The following GTF2IRD1 variants were observed in gnomAD, a reference collection of about 807,000 sequenced individuals.
GTF2IRD1 encodes general transcription factor II-I repeat domain-containing protein 1.
A neutral mutation model predicts 113.2 loss-of-function variants in GTF2IRD1; 26 were observed. That is an observed-to-expected ratio of 0.23 (90% confidence interval 0.17 to 0.32). GTF2IRD1 has a LOEUF of 0.32. Ranked by LOEUF, GTF2IRD1 falls within the 10% of genes least tolerant of loss-of-function variation. The pLI, the probability that GTF2IRD1 is intolerant of heterozygous loss-of-function variation, is 1.00. For synonymous variants in GTF2IRD1, 484 were observed against 529.1 expected, an observed-to-expected ratio of 0.91 and a Z score of 1.17; for missense variants, 864 against 1,280.8, an observed-to-expected ratio of 0.67 and a Z score of 4.97.
chr7:74,490,008 C>T (rs1795245350), intron 1 of GTF2IRD1, among the ~76,000 whole-genome samples: 1 of 151,946 alleles, frequency 6.6e-6, no homozygotes, highest in Non-Finnish European at 1.5e-5. Context: ...AGCTCTGTCC[C>T]CTGGGTTGGA....
intron 1 of GTF2IRD1, among the ~76,000 whole-genome samples, chr7:74,460,057 C>A (rs1263161479): frequency 6.6e-6 from 1 of 151,800 alleles, no homozygotes; most frequent in Non-Finnish European, 1.5e-5. Flanking sequence ...CTCACTGCAG[C>A]TTCTCCCTCC....
chr7:74,548,244 C>T (rs1459579971), intron 17 of GTF2IRD1, among the ~76,000 whole-genome samples: 3 of 151,526 alleles, frequency 2.0e-5, no homozygotes, highest in Non-Finnish European at 2.9e-5. Flanking sequence ...GGTGAAACCC[C>T]GTCTCTACTA....
intron 1 of GTF2IRD1, among the ~76,000 whole-genome samples, chr7:74,461,657 C>A (rs1454676335): frequency 6.6e-6 from 1 of 152,166 alleles, no homozygotes; most frequent in African/African-American, 2.4e-5. Flanking sequence ...CGGCTCGCTG[C>A]AACCTCTGCC....
chr7:74,521,318 C>T, intron 7 of GTF2IRD1, 21 bp downstream of exon 7: 3 of 1,456,638 alleles, frequency 2.1e-6, no homozygotes, highest in Non-Finnish European at 2.9e-6. Context: ...GCCCACGAAG[C>T]ACCCCGGCCT....
chr7:74,597,483 C>T (rs1802494260), intron 25 of GTF2IRD1, among the ~76,000 whole-genome samples: 1 of 151,304 alleles, frequency 6.6e-6, no homozygotes, highest in African/African-American at 2.4e-5. Flanking sequence ...GTAGCTGGGA[C>T]TTCAGGCATG....
chr7:74,573,685 C>T (rs1163545707), intron 22 of GTF2IRD1, among the ~76,000 whole-genome samples: 2 of 152,142 alleles, frequency 1.3e-5, no homozygotes, highest in East Asian at 1.9e-4. Flanking sequence ...GTAACCATGG[C>T]TCAGCACATG....
chr7:74,545,408 G>T (rs1244152420), intron 15 of GTF2IRD1, among the ~76,000 whole-genome samples: 1 of 152,000 alleles, frequency 6.6e-6, no homozygotes, highest in African/African-American at 2.4e-5. Context: ...TGCTCAATTT[G>T]CAGGCTTAGT....
At chr7:74,463,767 A>T (rs1793537854) in intron 1 of GTF2IRD1, among the ~76,000 whole-genome samples, 1 of 149,228 alleles carries the variant, frequency 6.7e-6, no homozygotes, top group South Asian at 2.1e-4. Context: ...TCTGTCGCCC[A>T]GGCTGGAGTG....
At chr7:74,454,343 C>T (rs189794354) in intron 1 of GTF2IRD1, among the ~76,000 whole-genome samples, 167 bp downstream of exon 1, 5,536 of 140,768 alleles carry the variant, frequency 0.039, 356 homozygotes, top group African/African-American at 0.14. Flanking sequence ...AGGCACGTGA[C>T]TGGGATTATA....
rs1798877331 is a variant in GTF2IRD1 at position 74,545,616 on chromosome 7, C to CGCCCCA, written c.1667-118_1667-113dup. On this transcript the variant is annotated intron_variant, in intron 15 of 26. Transcript: ENST00000424337. The stretch of plus-strand genomic sequence containing the variant: ...ATTTCTGAGGAAATAAGTTACCCAC[C>CGCCCCA]GCCCCAGCCCCAGCCTTCCCCCATT... The CGCCCCA allele has an allele frequency of 5.8e-6, 4 of 694,712 alleles. No individual in the cohort carries two copies. In the East Asian group the frequency reaches 1.0e-4, roughly 18 times the overall value. 43.0% of individuals were successfully genotyped at this position (694,712 alleles called of 1,614,324 possible). A position where few individuals can be genotyped will look rare whatever the true frequency, so the allele number is the denominator to read the frequency against.
At chr7:74,497,727 A>G (rs1168224069) in intron 1 of GTF2IRD1, among the ~76,000 whole-genome samples, 1 of 152,052 alleles carries the variant, frequency 6.6e-6, no homozygotes, top group African/African-American at 2.4e-5. Flanking sequence ...TGTTTTAGAC[A>G]GAGTTTCACT....
At chr7:74,586,825 C>T (rs1192454156) in intron 22 of GTF2IRD1, among the ~76,000 whole-genome samples, 1 of 152,206 alleles carries the variant, frequency 6.6e-6, no homozygotes, top group Non-Finnish European at 1.5e-5. Context: ...GCCTCCTAAA[C>T]AGAAGTGAGC....
At chr7:74,594,341 C>T (rs369752493) in intron 24 of GTF2IRD1, among the ~76,000 whole-genome samples, 1 of 139,138 alleles carries the variant, frequency 7.2e-6, no homozygotes, top group African/African-American at 2.5e-5. Flanking sequence ...GATGGCACCA[C>T]CGAACTCCAG....
At chr7:74,575,960 G>C (rs1226169141) in intron 22 of GTF2IRD1, among the ~76,000 whole-genome samples, 2 of 151,850 alleles carry the variant, frequency 1.3e-5, no homozygotes, top group African/African-American at 4.8e-5. Context: ...TTGAGCCCAG[G>C]AGTTCGAGAC....
intron 22 of GTF2IRD1, among the ~76,000 whole-genome samples, chr7:74,570,848 G>C (rs587763679): frequency 3.9e-4 from 59 of 152,190 alleles, no homozygotes; most frequent in African/African-American, 1.4e-3. Flanking sequence ...GTTTTGGAGG[G>C]GCTGTGGGGA....
rs1206631086 is a variant in GTF2IRD1 at position 74,509,831 on chromosome 7, C to T, written c.123+1628C>T. 5.9e-5 allele frequency among the ~76,000 whole-genome samples: 9 copies of T among 152,136 alleles called. No homozygotes were observed. The East Asian group carries it at 9.8e-4, about 17-fold the overall frequency. On this transcript the variant is annotated intron_variant, in intron 2 of 26. Transcript: ENST00000424337. ...GGGACTACAGGCCCCCACCACCACA[C>T]GTGGCCAGATAATTTTTGTACTTTT... is the stretch of plus-strand genomic sequence containing the variant.
At chr7:74,589,080 C>T (rs1236433662) in intron 22 of GTF2IRD1, among the ~76,000 whole-genome samples, 1 of 152,094 alleles carries the variant, frequency 6.6e-6, no homozygotes, top group Non-Finnish European at 1.5e-5. Flanking sequence ...GATGGGCTGG[C>T]CACCGTGGCT....
chr7:74,456,588 C>T (rs1361284728), intron 1 of GTF2IRD1, among the ~76,000 whole-genome samples: 4 of 151,964 alleles, frequency 2.6e-5, no homozygotes, highest in Non-Finnish European at 5.9e-5. Flanking sequence ...GAGGCTGAGG[C>T]AGGAGAATCG....
At chr7:74,501,357 C>G (rs1339258181) in intron 1 of GTF2IRD1, among the ~76,000 whole-genome samples, 2 of 152,194 alleles carry the variant, frequency 1.3e-5, no homozygotes, top group African/African-American at 2.4e-5. Context: ...GTGGTGGGGT[C>G]TTCAGGTGGG....
Sources: allele counts gnomAD v4.1 joint callset (sites outside exome capture counted in the v4.1 genomes callset), GRCh38; gene constraint gnomAD v4.1.1; transcripts MANE v1.5; gene names NCBI Gene and HGNC (gene_info 2026-07-23, HGNC 2026-07-21).